Variants in KLC1 observed in about 807,000 individuals in gnomAD.
KLC1 encodes kinesin 2 60/70kDa.
Under a neutral mutation model 84.2 loss-of-function variants are expected in KLC1, and 30 were observed. The ratio of observed to expected loss-of-function variants is 0.36; its 90% confidence interval spans 0.27 to 0.48. The LOEUF (loss-of-function observed/expected upper bound fraction) is 0.48, where lower values mean the gene tolerates loss of function less well. Among genes scored for constraint, KLC1 ranks in the 20% least tolerant of loss-of-function variants. The probability of loss-of-function intolerance (pLI) is 0.99; values close to 1 mark genes in which losing one functional copy is unlikely to be tolerated. For missense variants in KLC1, 499 were observed against 805.4 expected (o/e 0.62, Z 4.60); for synonymous variants, 289 against 293.3 (o/e 0.99, Z 0.15).
At chr14:103,676,994 C>T (rs538178785) in intron 11 of KLC1, among the ~76,000 whole-genome samples, 5 of 152,286 alleles carry the variant, frequency 3.3e-5, no homozygotes, top group Middle Eastern at 3.4e-3. Context: ...TGTCTTCTCC[C>T]GGGTACTTGA....
At chr14:103,674,199 G>A (rs2080680687) in intron 9 of KLC1, among the ~76,000 whole-genome samples, 1 of 151,866 alleles carries the variant, frequency 6.6e-6, no homozygotes. Context: ...TGTGCCTTTG[G>A]TTTACAGATT....
chr14:103,700,519 G>A (rs942670121), intron 15 of KLC1, 136 bp from the exon 16 acceptor site: 20 of 620,632 alleles, frequency 3.2e-5, no homozygotes, highest in Middle Eastern at 4.2e-4. Flanking sequence ...GCCAGATGGA[G>A]GCTGCTAAGG....
chr14:103,670,327 T>A, intron 7 of KLC1, 44 bp downstream of exon 7: 1 of 1,381,374 alleles, frequency 7.2e-7, no homozygotes, highest in Non-Finnish European at 1.0e-6. Context: ...ATTTTTGTTT[T>A]GTGTGTGTGT....
intron 1 of KLC1, among the ~76,000 whole-genome samples, chr14:103,643,873 C>CCCGAAGGCA (rs1194151212): frequency 6.6e-6 from 1 of 151,172 alleles, no homozygotes; most frequent in Non-Finnish European, 1.5e-5. Context: ...GGTTGCCTGG[C>CCCGAAGGCA]CCGAAGGCAT....
At chr14:103,649,690 T>G (rs575964271) in intron 1 of KLC1, among the ~76,000 whole-genome samples, 41 of 151,516 alleles carry the variant, frequency 2.7e-4, no homozygotes, top group Admixed American at 9.9e-4. Context: ...AAAAAGGGCT[T>G]CTTATGTGTT....
intron 5 of KLC1, among the ~76,000 whole-genome samples, chr14:103,668,357 TG>T (rs879923417): frequency 1.1e-4 from 17 of 152,256 alleles, no homozygotes; most frequent in Non-Finnish European, 1.6e-4. Context: ...GTGGCCTAGA[TG>T]GGAAGGTTAA....
At chr14:103,647,360 A>T (rs979279315) in intron 1 of KLC1, among the ~76,000 whole-genome samples, 2 of 151,686 alleles carry the variant, frequency 1.3e-5, no homozygotes, top group African/African-American at 4.8e-5. Context: ...AGTAGCTGAG[A>T]CTACAGGTGT....
At chr14:103,663,054 C>T (rs2079419424) in intron 5 of KLC1, 127 bp downstream of exon 5, 2 of 575,226 alleles carry the variant, frequency 3.5e-6, no homozygotes, top group African/African-American at 2.0e-5. Context: ...TCTCTTTAAA[C>T]AGGGGTTAAA....
chr14:103,695,946 A>G (rs1163335553), intron 15 of KLC1: 2 of 985,296 alleles, frequency 2.0e-6, no homozygotes, highest in African/African-American at 1.7e-5. Context: ...GCCATTTCCC[A>G]TCTGGCGGTC....
At chr14:103,632,339 T>A (rs904918432) in intron 1 of KLC1, among the ~76,000 whole-genome samples, 1 of 151,648 alleles carries the variant, frequency 6.6e-6, no homozygotes, top group South Asian at 2.1e-4. Context: ...GGAAGGAGAA[T>A]CGCTTGAACC....
chr14:103,698,647 C>A, intron 15 of KLC1: 1 of 734,426 alleles, frequency 1.4e-6, no homozygotes, highest in Non-Finnish European at 2.3e-6. Context: ...TGGCCACCAT[C>A]TTCGGATGAG....
At chr14:103,698,763 T>G (rs1047206112) in intron 15 of KLC1, 20 of 1,557,512 alleles carry the variant, frequency 1.3e-5, no homozygotes, top group Non-Finnish European at 2.6e-6. Flanking sequence ...GTGTCGGGGC[T>G]TCTCAGGCAG....
intron 1 of KLC1, among the ~76,000 whole-genome samples, chr14:103,648,482 C>A (rs557188774): frequency 5.5e-4 from 83 of 152,154 alleles, no homozygotes; most frequent in African/African-American, 1.9e-3. Flanking sequence ...TGAAGTAAAT[C>A]TTTGGACTTG....
rs768968719 is a variant in KLC1, at chr14:103,693,973, CT to C, written c.1848+1552del. The C allele has an allele frequency of 5.8e-5, 66 of 1,139,992 alleles. No individual in the cohort carries two copies. Among genetic ancestry groups the C allele is most frequent in the Non-Finnish European group, 6.6e-5 (61 of 926,448 alleles). The allele number at this position is 1,139,992 out of a possible 1,614,324, so 70.6% of individuals were successfully genotyped here. On this transcript the variant is annotated intron_variant, in intron 15 of 16. Transcript: ENST00000334553. The surrounding 1 kb of genome is among the most constrained non-coding windows in gnomAD (Gnocchi z 5.1). ...CCTTTTTGCCATGACACCAGACTCT[CT>C]TTTAAATTGTAATATTGTAATAAGG...
In KLC1 at chr14:103,654,834, G is replaced by A. The variant is rs1160648856; in HGVS notation, c.261+9G>A. On this transcript the variant is annotated intron_variant, in intron 2 of 16. Coordinates refer to ENST00000334553, the MANE Select transcript of KLC1 (RefSeq NM_001394837.1). Reference sequence around the variant, plus strand: ...GCCTGAGTGAGGCACAGGTACGAGTGAGAATGACTCAGACGTTATCAGGAA... The same window carrying A: ...GCCTGAGTGAGGCACAGGTACGAGTAAGAATGACTCAGACGTTATCAGGAA... The A allele has an allele frequency of 3.1e-6, 5 of 1,611,974 alleles. No individual in the cohort carries two copies. Among genetic ancestry groups the A allele is most frequent in the Non-Finnish European group, 4.2e-6 (5 of 1,178,846 alleles).
intron 9 of KLC1, among the ~76,000 whole-genome samples, chr14:103,673,840 G>A (rs907355057): frequency 2.0e-5 from 3 of 151,932 alleles, no homozygotes; most frequent in East Asian, 1.9e-4. Context: ...GGAGAATGGC[G>A]TGAACCCGGG....
chr14:103,662,866 A>T lies in KLC1; in HGVS notation c.736A>T (p.Thr246Ser), dbSNP rs773724513. The T allele has an allele frequency of 3.1e-6, 5 of 1,613,510 alleles. No individual in the cohort carries two copies. In the African/African-American group the frequency reaches 6.7e-5, roughly 22 times the overall value. Residue 246 changes from threonine (T) to serine (S), a missense_variant, in exon 5 of 17, where the codon ACT becomes TCT. By Grantham distance (58) the Thr-to-Ser change is moderately conservative. This residue lies in a region of KLC1 where 153 missense variants were observed against 332.4 expected (regional missense o/e 0.46). Transcript: ENST00000334553. ...GCAGGCCCTGGAGGACCTGGAGAAG[A>T]CTTCAGGACACGACCACCCGGACGT... The part of the protein sequence containing the change: ...CKQALEDLEK[T>S]SGHDHPDVAT...
intron 1 of KLC1, among the ~76,000 whole-genome samples, chr14:103,630,543 G>C (rs549044033): frequency 6.6e-6 from 1 of 150,748 alleles, no homozygotes; most frequent in East Asian, 1.9e-4. Flanking sequence ...CTTTTTTTTT[G>C]GTACGGCATG....
rs762809618 is a variant in KLC1, at chr14:103,657,761, C to A, written c.477C>A (p.Asp159Glu). ...EFMNQLKKYD[D>E]DISPSEDKDT... ...TGAATCAGCTAAAAAAATATGATGA[C>A]GACATTTCCCCATCCGTGAGTGGCT... The change falls in exon 3 of 17, where the codon GAC (aspartate) becomes GAA (glutamate). Residue 159 changes from aspartate to glutamate, a missense_variant. Asp to Glu is a conservative substitution (Grantham distance 45). Transcript: ENST00000334553. 1 of 1,613,004 alleles carries A rather than the reference C, an allele frequency of 6.2e-7. No individual in the cohort carries two copies. The highest frequency in any genetic ancestry group is 1.1e-5 in the South Asian group (1 of 90,848).
Sources: gnomAD v4.1 joint callset for allele counts (sites outside exome capture counted in the v4.1 genomes callset) on GRCh38, gnomAD v4.1.1 for gene constraint, gnomAD v4.1.1 regional missense constraint, Gnocchi (gnomAD v3.1) non-coding constraint, MANE v1.5 for transcripts, NCBI Gene and HGNC (gene_info 2026-07-23, HGNC 2026-07-21) for gene names.